The following SLC38A10 variants were observed in gnomAD, a reference collection of about 807,000 sequenced individuals.
The protein encoded by SLC38A10 is Sodium-coupled neutral amino acid transporter 10.
SLC38A10 carries 53 observed loss-of-function variants against 81.0 expected under a neutral mutation model. The observed-to-expected ratio is 0.65, with a 90% CI of 0.53 to 0.82. The LOEUF is 0.82. Among genes scored for constraint, SLC38A10 ranks in the 40% least tolerant of loss-of-function variants. The pLI is 0.00. For synonymous variants in SLC38A10, 665 were observed against 655.3 expected (o/e 1.01, Z -0.23); for missense variants, 1,471 against 1,545.0 (o/e 0.95, Z 0.80).
intron 11 of SLC38A10, among the ~76,000 whole-genome samples, chr17:81,256,829 T>C (rs1277823251): frequency 6.6e-6 from 1 of 152,234 alleles, no homozygotes; most frequent in East Asian, 1.9e-4. Flanking sequence ...GTCTGATCTT[T>C]GCGAATGTGA....
intron 11 of SLC38A10, among the ~76,000 whole-genome samples, chr17:81,256,801 C>G (rs1361445918): frequency 6.6e-6 from 1 of 152,262 alleles, no homozygotes; most frequent in Admixed American, 6.5e-5. Flanking sequence ...GAGCACACAG[C>G]TGACCAATGA....
In SLC38A10 at chr17:81,265,624, C is replaced by T. The variant is rs1029894847; in HGVS notation, c.1132-5230G>A. 1.3e-5 allele frequency among the ~76,000 whole-genome samples: 2 copies of T among 152,224 alleles called. No homozygotes were observed. The highest frequency in any genetic ancestry group is 2.9e-5 in the Non-Finnish European group (2 of 68,036). Reference sequence around the variant, plus strand: ...CTGAGGTCCCTGGGCTGGGTACAGGCACCATATCGCTGAGAGTACTCAGAC... The same window carrying T: ...CTGAGGTCCCTGGGCTGGGTACAGGTACCATATCGCTGAGAGTACTCAGAC... On this transcript the variant is annotated intron_variant, in intron 10 of 15. Coordinates refer to ENST00000374759, the MANE Select transcript of SLC38A10 (RefSeq NM_001037984.3). The surrounding 1 kb of genome is among the most constrained non-coding windows in gnomAD (Gnocchi z 4.2).
rs994680749 is a variant in SLC38A10, at chr17:81,281,523, C to A, written c.501+666G>T. 2.6e-5 allele frequency among the ~76,000 whole-genome samples: 4 copies of A among 151,986 alleles called. No homozygotes were observed. The highest frequency in any genetic ancestry group is 5.9e-5 in the Non-Finnish European group (4 of 67,992). Reference sequence around the variant, plus strand: ...CGGGCGTGGTGGCTCATGCCTGTAACCCCAGCACTTTGGGAGGCTGAGGCG... The same window carrying A: ...CGGGCGTGGTGGCTCATGCCTGTAAACCCAGCACTTTGGGAGGCTGAGGCG... On this transcript the variant is annotated intron_variant, in intron 5 of 15. Transcript: ENST00000374759. This position sits in a 1 kb window ranked among gnomAD's most constrained non-coding sequence, Gnocchi z 5.3.
chr17:81,253,384 T>A lies in SLC38A10; in HGVS notation c.1289-144A>T. 1 of 1,009,034 alleles carries A rather than the reference T, an allele frequency of 9.9e-7. No homozygotes were observed. Among genetic ancestry groups the A allele is most frequent in the Non-Finnish European group, 1.4e-6 (1 of 708,636 alleles). 62.5% of individuals were successfully genotyped at this position (1,009,034 alleles called of 1,614,324 possible). A position where few individuals can be genotyped will look rare whatever the true frequency, so the allele number is the denominator to read the frequency against. ...TCCTGTTCGATCATTAGCAGCTAAG[T>A]AGCACAGAAAACTGTCATTTTTCAT... On this transcript the variant is annotated intron_variant, in intron 11 of 15. Transcript: ENST00000374759. The surrounding 1 kb of genome is among the most constrained non-coding windows in gnomAD (Gnocchi z 4.1).
Position 81,245,238 on chromosome 17 carries a change from C to G in SLC38A10, c.*318G>C, listed in dbSNP as rs1222500101. ...GGAGGCCTGACCACAGACGCAGCAG[C>G]TCCCCAGCCTGAGCCTGGGAGTGCA... On this transcript the variant is annotated 3_prime_UTR_variant, in exon 16 of 16. Transcript: ENST00000374759. The G allele has an allele frequency of 3.3e-6, 1 of 303,624 alleles. No individual in the cohort carries two copies. The highest frequency in any genetic ancestry group is 2.2e-5 in the African/African-American group (1 of 46,002). The allele number at this position is 303,624 out of a possible 1,614,324, so 18.8% of individuals were successfully genotyped here. A position where few individuals can be genotyped will look rare whatever the true frequency, so the allele number is the denominator to read the frequency against.
chr17:81,262,132 G>C (rs890575062), intron 10 of SLC38A10, among the ~76,000 whole-genome samples: 2 of 152,212 alleles, frequency 1.3e-5, no homozygotes, highest in Non-Finnish European at 2.9e-5. Flanking sequence ...AGCAGGTGTG[G>C]AACGGCCCGC....
chr17:81,256,793 GCA>G (rs2062976919), intron 11 of SLC38A10, among the ~76,000 whole-genome samples: 1 of 152,252 alleles, frequency 6.6e-6, no homozygotes, highest in Admixed American at 6.5e-5. Flanking sequence ...CCAATCTTGA[GCA>G]CACAGCTGAC....
At chr17:81,292,311 G>A (rs1434321573) in intron 1 of SLC38A10, among the ~76,000 whole-genome samples, 7 of 152,006 alleles carry the variant, frequency 4.6e-5, no homozygotes, top group African/African-American at 1.7e-4. Flanking sequence ...ATTTTTAGTA[G>A]AGATGGGGTT....
At chr17:81,268,378 C>G (rs1044794690) in intron 10 of SLC38A10, among the ~76,000 whole-genome samples, 2 of 152,030 alleles carry the variant, frequency 1.3e-5, no homozygotes, top group African/African-American at 4.8e-5. Flanking sequence ...GAATCAATAT[C>G]AATACTTTTT....
chr17:81,274,401 C>A (rs1297666698), intron 8 of SLC38A10, among the ~76,000 whole-genome samples: 1 of 152,226 alleles, frequency 6.6e-6, no homozygotes, highest in African/African-American at 2.4e-5. Flanking sequence ...CCAGGGAGAC[C>A]CACCGCCCCC....
intron 11 of SLC38A10, among the ~76,000 whole-genome samples, chr17:81,256,073 C>CG (rs1265307833): frequency 2.0e-5 from 3 of 152,248 alleles, no homozygotes; most frequent in Non-Finnish European, 4.4e-5. Context: ...GCTGTCCCAG[C>CG]GGCTCCTCAC....
chr17:81,245,825 T>G lies in SLC38A10; in HGVS notation c.3091A>C (p.Arg1031=). 2.5e-6 allele frequency: 4 copies of G among 1,610,744 alleles called. No homozygotes were observed. The highest frequency in any genetic ancestry group is 3.4e-6 in the Non-Finnish European group (4 of 1,178,458). The change falls in exon 16 of 16, where the codon AGG becomes CGG. Residue 1031 remains arginine (R), a synonymous_variant. Transcript: ENST00000374759. ...CGGTTGGGCTTGGCATTGTCCGGCCTCTGGCCCCCCGGGACAGCTCGTTTG... is the reference window on the plus strand; with the variant it reads ...CGGTTGGGCTTGGCATTGTCCGGCCGCTGGCCCCCCGGGACAGCTCGTTTG... ...GLKRAVPGGQ[R]PDNAKPNRDL... is the part of the protein sequence containing the mutation.
intron 3 of SLC38A10, among the ~76,000 whole-genome samples, chr17:81,284,231 G>A (rs981685311): frequency 9.2e-5 from 14 of 152,100 alleles, no homozygotes; most frequent in African/African-American, 3.4e-4. Flanking sequence ...GGTGGCACGC[G>A]CCTGTAATCT....
Position 81,246,214 on chromosome 17 carries a change from G to C in SLC38A10, c.2702C>G (p.Ala901Gly), listed in dbSNP as rs1222146332. The change falls in exon 16 of 16, where the codon GCC (alanine) becomes GGC (glycine). Residue 901 changes from alanine (A) to glycine (G), a missense_variant. Ala to Gly is a moderately conservative substitution (Grantham distance 60). This residue lies in a region of SLC38A10 where 751 missense variants were observed against 717.4 expected (regional missense o/e 1.05). Transcript: ENST00000374759. ...DRKKPGKEVA[A>G]TGTSILKEAN... is the part of the protein sequence containing the mutation. ...TTCCTTCAGAATGCTGGTGCCAGTG[G>C]CTGCCACCTCCTTCCCAGGTTTTTT... The C allele has an allele frequency of 6.2e-7, 1 of 1,612,592 alleles. No homozygotes were observed. Among genetic ancestry groups the C allele is most frequent in the Non-Finnish European group, 8.5e-7 (1 of 1,179,966 alleles).
At chr17:81,267,795 G>A (rs1327751864) in intron 10 of SLC38A10, among the ~76,000 whole-genome samples, 2 of 152,010 alleles carry the variant, frequency 1.3e-5, no homozygotes, top group African/African-American at 4.8e-5. Flanking sequence ...AGACTTGAGA[G>A]GTCCAGATCC....
intron 11 of SLC38A10, among the ~76,000 whole-genome samples, chr17:81,255,193 G>A (rs1254284467): frequency 6.6e-6 from 1 of 152,254 alleles, no homozygotes; most frequent in Non-Finnish European, 1.5e-5. Context: ...ACGGGCACCT[G>A]CAGGAAGGCT....
chr17:81,276,388 C>CTTT lies in SLC38A10; in HGVS notation c.730-240_730-238dup, dbSNP rs550850293. On this transcript the variant is annotated intron_variant, in intron 7 of 15. Transcript: ENST00000374759. The surrounding 1 kb of genome is among the most constrained non-coding windows in gnomAD (Gnocchi z 4.7). ...CATGCCCATTTCTTTCTTTTTCTTTCTTTTTTTTTTTTTTTGAGACGGGGT... is the reference window on the plus strand; with the variant it reads ...CATGCCCATTTCTTTCTTTTTCTTTCTTTTTTTTTTTTTTTTTTGAGACGGGGT... Among the ~76,000 whole-genome samples the CTTT allele has an allele frequency of 4.2e-5, 6 of 142,548 alleles. No homozygotes were observed. Among genetic ancestry groups the CTTT allele is most frequent in the African/African-American group, 1.5e-4 (6 of 38,734 alleles). 93.5% of individuals were successfully genotyped at this position (142,548 alleles called of 152,430 possible).
rs1029279058 is a variant in SLC38A10 at position 81,291,557 on chromosome 17, T to C, written c.100-1749A>G. Among the ~76,000 whole-genome samples the C allele has an allele frequency of 8.6e-4, 130 of 150,986 alleles. 4 individuals are homozygous for C. Among genetic ancestry groups the C allele is most frequent in the Non-Finnish European group, 2.2e-4 (15 of 67,896 alleles). ...AGATATCACCAAGCACTCATCAGAATGGCTCCAGCGGAAAAGACACGATAC... is the reference window on the plus strand; with the variant it reads ...AGATATCACCAAGCACTCATCAGAACGGCTCCAGCGGAAAAGACACGATAC... On this transcript the variant is annotated intron_variant, in intron 1 of 15. Coordinates refer to ENST00000374759, the MANE Select transcript of SLC38A10 (RefSeq NM_001037984.3).
Position 81,295,025 on chromosome 17 carries a change from G to A in SLC38A10, c.-104C>T, listed in dbSNP as rs2063337686. On this transcript the variant is annotated 5_prime_UTR_variant, in exon 1 of 16. Transcript: ENST00000374759. ...GCCACGGTCACAGGTCCCAACGTCCGGGACGCCGGTGGGGAGGGGATGGGC... is the reference window on the plus strand; with the variant it reads ...GCCACGGTCACAGGTCCCAACGTCCAGGACGCCGGTGGGGAGGGGATGGGC... 7.2e-7 allele frequency: 1 copy of A among 1,386,790 alleles called. No homozygotes were observed. Among genetic ancestry groups the A allele is most frequent in the Non-Finnish European group, 9.4e-7 (1 of 1,064,732 alleles). 85.9% of individuals were successfully genotyped at this position (1,386,790 alleles called of 1,614,324 possible). A position where few individuals can be genotyped will look rare whatever the true frequency, so the allele number is the denominator to read the frequency against.
Sources: allele counts gnomAD v4.1 joint callset (sites outside exome capture counted in the v4.1 genomes callset), GRCh38; gene constraint gnomAD v4.1.1; regional missense constraint gnomAD v4.1.1; non-coding constraint Gnocchi (gnomAD v3.1); transcripts MANE v1.5; gene names NCBI Gene and HGNC (gene_info 2026-07-23, HGNC 2026-07-21).